The following SNRPN variants were observed in gnomAD, a reference collection of about 807,000 sequenced individuals.
SNRPN encodes small nuclear ribonucleoprotein-associated protein N.
SNRPN carries 7 observed loss-of-function variants against 25.2 expected under a neutral mutation model. The observed-to-expected ratio is 0.28, with a 90% CI of 0.16 to 0.52. SNRPN has a LOEUF of 0.52. Among genes scored for constraint, SNRPN ranks in the 20% least tolerant of loss-of-function variants. SNRPN has a pLI of 0.96. For synonymous variants in SNRPN, 124 were observed against 110.6 expected (o/e 1.12, Z -0.76); for missense variants, 196 against 322.5 (o/e 0.61, Z 3.00).
chr15:24,839,524 G>T (rs2051500058), intron 2 of SNRPN, among the ~76,000 whole-genome samples: 1 of 152,094 alleles, frequency 6.6e-6, no homozygotes, highest in East Asian at 1.9e-4. Context: ...CCCTGATGAG[G>T]TATGTAGGCT....
At chr15:24,917,136 A>C (rs1595883423) in intron 2 of SNRPN, among the ~76,000 whole-genome samples, 1 of 152,274 alleles carries the variant, frequency 6.6e-6, no homozygotes, top group South Asian at 2.1e-4. Flanking sequence ...TGCATTTTAC[A>C]AACCTGTTGT....
intron 1 of SNRPN, among the ~76,000 whole-genome samples, chr15:24,866,679 A>G (rs921183366): frequency 3.8e-4 from 58 of 152,068 alleles, no homozygotes; most frequent in African/African-American, 8.7e-4. Flanking sequence ...CATCCACAAA[A>G]CTTCTGCCCA....
chr15:24,931,011 C>T (rs2060815461), intron 3 of SNRPN, among the ~76,000 whole-genome samples: 1 of 152,036 alleles, frequency 6.6e-6, no homozygotes, highest in Non-Finnish European at 1.5e-5. Context: ...GATCACACCA[C>T]TGCACTCCAG....
intron 3 of SNRPN, among the ~76,000 whole-genome samples, chr15:24,932,283 G>A (rs2060922523): frequency 1.3e-5 from 2 of 152,190 alleles, no homozygotes; most frequent in South Asian, 2.1e-4. Flanking sequence ...TGCCCAGGCT[G>A]AAGTGCAATG....
intron 3 of SNRPN, among the ~76,000 whole-genome samples, chr15:24,943,723 A>C (rs1056625945): frequency 2.0e-5 from 3 of 152,184 alleles, no homozygotes; most frequent in Admixed American, 6.5e-5. Flanking sequence ...CAATATCCTA[A>C]AGGCCTATGC....
chr15:24,899,216 G>C (rs905409367), intron 2 of SNRPN, among the ~76,000 whole-genome samples: 1 of 152,008 alleles, frequency 6.6e-6, no homozygotes, highest in Non-Finnish European at 1.5e-5. Context: ...AAACATCAAC[G>C]GAAAAATCAA....
chr15:24,843,704 T>C (rs1192436195), intron 2 of SNRPN, among the ~76,000 whole-genome samples: 1 of 151,738 alleles, frequency 6.6e-6, no homozygotes, highest in African/African-American at 2.4e-5. Flanking sequence ...GGAGAGTCAC[T>C]TGAACCCACG....
At chr15:24,852,121 C>G (rs1051924678), upstream of SNRPN, 3 of 152,192 alleles carry the variant, frequency 2.0e-5, no homozygotes, top group Non-Finnish European at 2.9e-5. Context: ...AGATTAGTGT[C>G]TCCTCATTTC....
chr15:24,848,465 T>C (rs1429085184), intron 2 of SNRPN: 1 of 152,154 alleles, frequency 6.6e-6, no homozygotes, highest in Non-Finnish European at 1.5e-5. Context: ...TTTCGTATCA[T>C]TGTCTTGTTT....
chr15:24,978,425 T>C lies in SNRPN; in HGVS notation c.704T>C (p.Met235Thr). 1 of 1,613,928 alleles carries C rather than the reference T, an allele frequency of 6.2e-7. No individual in the cohort carries two copies. Among genetic ancestry groups the C allele is most frequent in the East Asian group, 2.2e-5 (1 of 44,872 alleles). ...PGIRGPPPPGMRPPRP is the reference protein window; with the variant it reads ...PGIRGPPPPGTRPPRP ...TTTCCAGGTCCACCTCCCCCAGGAA[T>C]GCGTCCACCAAGACCTTAGCATACT... The change falls in exon 10 of 10, where the codon ATG (methionine) becomes ACG (threonine). Residue 235 changes from methionine to threonine, a missense_variant. Met to Thr is a moderately conservative substitution (Grantham distance 81). Coordinates refer to ENST00000390687, the MANE Select transcript of SNRPN (RefSeq NM_003097.6).
intron 2 of SNRPN, among the ~76,000 whole-genome samples, chr15:24,889,102 G>C (rs1165865669): frequency 2.0e-5 from 3 of 151,638 alleles, no homozygotes; most frequent in South Asian, 4.2e-4. Context: ...ATTTTTAATA[G>C]AGACAGGGTT....
At chr15:24,858,607 C>A (rs1019077633) in intron 1 of SNRPN, among the ~76,000 whole-genome samples, 2 of 150,920 alleles carry the variant, frequency 1.3e-5, no homozygotes, top group Non-Finnish European at 2.9e-5. Flanking sequence ...CTAGCCTGGA[C>A]AACATGGTGA....
rs761028497 is a variant in SNRPN, at chr15:24,858,297, G to A, written c.-579+1581G>A. ...AAACCGAATTCCTCCTGAAGTTCGCGGGGAATGAACAAGGGCAGCTTGGAG... is the reference window on the plus strand; with the variant it reads ...AAACCGAATTCCTCCTGAAGTTCGCAGGGAATGAACAAGGGCAGCTTGGAG... On this transcript the variant is annotated intron_variant, in intron 1 of 11. Transcript: ENST00000400097. Among the ~76,000 whole-genome samples the A allele has an allele frequency of 5.3e-5, 8 of 152,100 alleles. 1 individual carries two copies. Among genetic ancestry groups the A allele is most frequent in the African/African-American group, 1.7e-4 (7 of 41,402 alleles).
Position 24,887,250 on chromosome 15 carries a change from C to T in SNRPN, c.-505+661C>T, listed in dbSNP as rs754781689. Among the ~76,000 whole-genome samples the T allele has an allele frequency of 4.6e-5, 7 of 151,010 alleles. No individual in the cohort carries two copies. The East Asian group carries it at 5.9e-4, about 13-fold the overall frequency. On this transcript the variant is annotated intron_variant, in intron 2 of 11. Transcript: ENST00000400097. Reference sequence around the variant, plus strand: ...GCAACCTCTGCCTCTCGAGTTCAAGCGATTCTCCTGCCTCAGGCTCCCATG... The same window carrying T: ...GCAACCTCTGCCTCTCGAGTTCAAGTGATTCTCCTGCCTCAGGCTCCCATG...
At chr15:24,861,754 A>G (rs1353985116) in intron 1 of SNRPN, among the ~76,000 whole-genome samples, 1 of 145,146 alleles carries the variant, frequency 6.9e-6, no homozygotes, top group African/African-American at 2.6e-5. Context: ...TAATAAACAC[A>G]TAAGAGTCGA....
At chr15:24,888,791 T>C (rs2057399550) in intron 2 of SNRPN, among the ~76,000 whole-genome samples, 1 of 152,242 alleles carries the variant, frequency 6.6e-6, no homozygotes, top group Non-Finnish European at 1.5e-5. Flanking sequence ...AACAACGTAC[T>C]GCAATCAATG....
chr15:24,846,829 A>G (rs1595433138), intron 2 of SNRPN, among the ~76,000 whole-genome samples: 1 of 152,172 alleles, frequency 6.6e-6, no homozygotes, highest in East Asian at 1.9e-4. Flanking sequence ...GGTTCTATTC[A>G]GCTACTATGG....
At chr15:24,909,252 T>C in intron 2 of SNRPN, 1 of 1,590,328 alleles carries the variant, frequency 6.3e-7, no homozygotes, top group Non-Finnish European at 8.6e-7. Flanking sequence ...ACTTCTGCAT[T>C]AAATTCCTTG....
chr15:24,838,225 C>G (rs548499733), intron 2 of SNRPN, among the ~76,000 whole-genome samples: 1 of 151,156 alleles, frequency 6.6e-6, no homozygotes, highest in Non-Finnish European at 1.5e-5. Context: ...TTAGTAGAGA[C>G]GGGGTTTCAC....
Sources: gnomAD v4.1 joint callset for allele counts (sites outside exome capture counted in the v4.1 genomes callset) on GRCh38, gnomAD v4.1.1 for gene constraint, MANE v1.5 for transcripts, NCBI Gene and HGNC (gene_info 2026-07-23, HGNC 2026-07-21) for gene names.